The following CADM2 variants were observed in gnomAD, a reference collection of about 807,000 sequenced individuals.
CADM2 encodes cell adhesion molecule 2, also known as immunoglobulin superfamily member 4D.
CADM2 carries 12 observed loss-of-function variants against 49.8 expected under a neutral mutation model. The observed-to-expected ratio is 0.24, with a 90% CI of 0.15 to 0.39. CADM2 has a LOEUF of 0.39. Ranked by LOEUF, CADM2 falls within the 10% of genes least tolerant of loss-of-function variation. The pLI, the probability that CADM2 is intolerant of heterozygous loss-of-function variation, is 1.00. For missense variants in CADM2, 378 were observed against 492.3 expected (o/e 0.77, Z 2.20); for synonymous variants, 214 against 175.4 (o/e 1.22, Z -1.74).
intron 1 of CADM2, among the ~76,000 whole-genome samples, chr3:84,973,362 T>A (rs567334610): frequency 2.6e-4 from 40 of 152,300 alleles, no homozygotes; most frequent in African/African-American, 6.3e-4. Context: ...ATTTTTTTTT[T>A]AAATTTAAGG....
chr3:85,425,269 C>G lies in CADM2; in HGVS notation c.62-301253C>G, dbSNP rs573074561. The stretch of plus-strand genomic sequence containing the variant: ...ATAAATTACCAGACTTAATGATTCT[C>G]TCTTGGGAACGGTAATGGTTAGTCA... On this transcript the variant is annotated intron_variant, in intron 1 of 9. Transcript: ENST00000383699. Among the ~76,000 whole-genome samples the G allele has an allele frequency of 4.6e-5, 7 of 152,312 alleles. No homozygotes were observed. The East Asian group carries it at 1.3e-3, about 29-fold the overall frequency.
intron 1 of CADM2, among the ~76,000 whole-genome samples, chr3:85,723,668 TC>T (rs2067587837): frequency 1.3e-5 from 2 of 152,098 alleles, no homozygotes; most frequent in Non-Finnish European, 2.9e-5. Flanking sequence ...AAATCCTCTG[TC>T]TTCATACAAT....
chr3:85,501,366 GT>G (rs1176745419), intron 1 of CADM2, among the ~76,000 whole-genome samples: 1 of 152,146 alleles, frequency 6.6e-6, no homozygotes, highest in Non-Finnish European at 1.5e-5. Flanking sequence ...CTGATGCAGA[GT>G]AAACCATTTT....
In CADM2 at chr3:86,070,655, A is replaced by G. The variant is rs1255902734; in HGVS notation, c.*3872A>G. On this transcript the variant is annotated 3_prime_UTR_variant, in exon 10 of 10. Coordinates refer to ENST00000383699, the MANE Select transcript of CADM2 (RefSeq NM_001167675.2). ...AAAACAAAAAAAAAGCAGTAATCAC[A>G]GCCAAATAAATGAAACACCTAATGA... 6.6e-6 allele frequency: 1 copy of G among 151,774 alleles called. No homozygotes were observed. Among genetic ancestry groups the G allele is most frequent in the Non-Finnish European group, 1.5e-5 (1 of 67,806 alleles). The allele number at this position is 151,774 out of a possible 1,614,324, so 9.4% of individuals were successfully genotyped here.
chr3:85,424,416 C>G (rs900544983), intron 1 of CADM2, among the ~76,000 whole-genome samples: 5 of 151,138 alleles, frequency 3.3e-5, no homozygotes, highest in African/African-American at 1.2e-4. Flanking sequence ...CTTTAATGTC[C>G]CCACCTTCCA....
At chr3:84,960,237 CG>C (rs1051144702) in intron 1 of CADM2, 1 of 151,964 alleles carries the variant, frequency 6.6e-6, no homozygotes, top group Non-Finnish European at 1.5e-5. Flanking sequence ...ATAACATCCC[CG>C]GGGGGGAAAT....
intron 1 of CADM2, among the ~76,000 whole-genome samples, chr3:85,602,987 CAG>C (rs1259873483): frequency 6.6e-6 from 1 of 151,730 alleles, no homozygotes; most frequent in Non-Finnish European, 1.5e-5. Flanking sequence ...CTTACACAAG[CAG>C]AGTTAAGCAA....
chr3:85,425,431 A>G (rs1488418346), intron 1 of CADM2, among the ~76,000 whole-genome samples: 4 of 152,214 alleles, frequency 2.6e-5, no homozygotes, highest in African/African-American at 9.6e-5. Flanking sequence ...ATACATTTAT[A>G]CAATGGGTAA....
chr3:85,067,040 A>G (rs1236531955), intron 1 of CADM2, among the ~76,000 whole-genome samples: 2 of 152,150 alleles, frequency 1.3e-5, no homozygotes, highest in Non-Finnish European at 2.9e-5. Context: ...CATTTGATCT[A>G]GGTTAGTAAG....
chr3:85,396,258 T>G (rs2034783948), intron 1 of CADM2, among the ~76,000 whole-genome samples: 1 of 151,850 alleles, frequency 6.6e-6, no homozygotes, highest in Admixed American at 6.6e-5. Flanking sequence ...TGATCTTAGT[T>G]TTTTTCTTGG....
At chr3:85,416,575 C>CTAA in intron 1 of CADM2, among the ~76,000 whole-genome samples, 1 of 152,220 alleles carries the variant, frequency 6.6e-6, no homozygotes, top group East Asian at 1.9e-4. Flanking sequence ...TGCTTTGTCC[C>CTAA]TAATGCCCCC....
intron 8 of CADM2, among the ~76,000 whole-genome samples, chr3:86,000,573 T>A (rs997659931): frequency 6.6e-6 from 1 of 151,852 alleles, no homozygotes; most frequent in Non-Finnish European, 1.5e-5. Flanking sequence ...ATTTGCTAGA[T>A]ATGAGGGACT....
intron 1 of CADM2, among the ~76,000 whole-genome samples, chr3:85,381,314 C>A (rs555241384): frequency 3.3e-5 from 5 of 151,536 alleles, no homozygotes; most frequent in African/African-American, 1.2e-4. Flanking sequence ...TGATGAAAAA[C>A]AAACTTCATT....
chr3:85,200,085 A>G (rs1196359789), intron 1 of CADM2, among the ~76,000 whole-genome samples: 1 of 152,096 alleles, frequency 6.6e-6, no homozygotes, highest in Non-Finnish European at 1.5e-5. Context: ...AAAGCAGTGT[A>G]AAAGTCAATG....
chr3:85,969,893 A>G (rs1244052911), intron 8 of CADM2, among the ~76,000 whole-genome samples: 10 of 150,818 alleles, frequency 6.6e-5, no homozygotes. Context: ...ATACACATAT[A>G]TACACATACA....
intron 8 of CADM2, among the ~76,000 whole-genome samples, chr3:85,991,419 C>T (rs1025679396): frequency 1.4e-4 from 22 of 152,120 alleles, no homozygotes; most frequent in Non-Finnish European, 4.4e-5. Context: ...AACAGAATTG[C>T]ATTGTAATTC....
At chr3:85,323,007 T>A (rs1416156064) in intron 1 of CADM2, among the ~76,000 whole-genome samples, 1 of 152,222 alleles carries the variant, frequency 6.6e-6, no homozygotes, top group African/African-American at 2.4e-5. Flanking sequence ...TCTGAGTTTG[T>A]CCATGTCCAT....
chr3:85,065,548 A>T (rs2036498191), intron 1 of CADM2, among the ~76,000 whole-genome samples: 1 of 152,164 alleles, frequency 6.6e-6, no homozygotes, highest in Non-Finnish European at 1.5e-5. Flanking sequence ...AACTGTAACA[A>T]GTTCATAATT....
chr3:85,447,746 C>T (rs1194733871), intron 1 of CADM2, among the ~76,000 whole-genome samples: 1 of 152,040 alleles, frequency 6.6e-6, no homozygotes, highest in Admixed American at 6.6e-5. Context: ...ATTTCTGATT[C>T]AGAAGTCTCA....
Sources: allele counts gnomAD v4.1 joint callset (sites outside exome capture counted in the v4.1 genomes callset), GRCh38; gene constraint gnomAD v4.1.1; transcripts MANE v1.5; gene names NCBI Gene and HGNC (gene_info 2026-07-23, HGNC 2026-07-21).